OCA2: variants seen among roughly 807,000 people sequenced by gnomAD.
OCA2 encodes OCA2 melanosomal transmembrane protein, also known as P protein.
In OCA2, 77 loss-of-function variants were observed where a neutral mutation model predicts 100.2. The ratio of observed to expected loss-of-function variants is 0.77; its 90% CI spans 0.64 to 0.93. OCA2 has a LOEUF of 0.93. Ranked by LOEUF, OCA2 falls within the 40% of genes least tolerant of loss-of-function variation. OCA2 has a pLI of 0.00. For synonymous variants in OCA2, 432 were observed against 439.2 expected, an observed-to-expected ratio of 0.98 and a Z score of 0.21; for missense variants, 1,062 against 1,089.1, an observed-to-expected ratio of 0.98 and a Z score of 0.35.
At chr15:27,747,747 A>AT in the OCA2 span, among the ~76,000 whole-genome samples, 1 of 88,726 alleles carries the variant, frequency 1.1e-5, no homozygotes, top group East Asian at 3.9e-4. Flanking sequence ...TTTAATATCT[A>AT]TTAAAAAAAA....
chr15:27,972,820 G>GTTATTTTATTTTATT (rs200881214), intron 14 of OCA2, among the ~76,000 whole-genome samples: 20 of 74,452 alleles, frequency 2.7e-4, no homozygotes, highest in South Asian at 1.1e-3. Context: ...TACTTTGATG[G>GTTATTTTATTTTATT]TTATTTTATT....
intron 1 of OCA2, among the ~76,000 whole-genome samples, chr15:28,084,234 A>G (rs1360128460): frequency 2.6e-5 from 4 of 152,244 alleles, no homozygotes; most frequent in African/African-American, 9.6e-5. Context: ...GAGACTTCAC[A>G]GCCTCCCAAA....
chr15:28,078,917 G>A lies in OCA2; in HGVS notation c.227+2731C>T, dbSNP rs557531399. 8.5e-5 allele frequency among the ~76,000 whole-genome samples: 13 copies of A among 152,258 alleles called. No homozygotes were observed. In the East Asian group the frequency reaches 2.3e-3, roughly 27 times the overall value. ...AGAAAATACCGAGTAACCAGTTTGT[G>A]CACAGGTGATGTAACTGACCCAAGA... On this transcript the variant is annotated intron_variant, in intron 2 of 23. Coordinates refer to ENST00000354638, the MANE Select transcript of OCA2 (RefSeq NM_000275.3).
At chr15:28,024,806 C>T (rs375458585) in intron 5 of OCA2, 39 bp downstream of exon 5, 40 of 1,610,950 alleles carry the variant, frequency 2.5e-5, no homozygotes, top group South Asian at 5.5e-5. Context: ...AGGGCTTCCA[C>T]GGACCCAACA....
chr15:28,046,930 CTT>C (rs1285454332), intron 2 of OCA2, among the ~76,000 whole-genome samples: 1 of 152,180 alleles, frequency 6.6e-6, no homozygotes, highest in Non-Finnish European at 1.5e-5. Flanking sequence ...AGATTTCCCT[CTT>C]GTCATCCTCT....
chr15:27,913,878 AG>A (rs2038525497), intron 19 of OCA2, among the ~76,000 whole-genome samples: 1 of 55,574 alleles, frequency 1.8e-5, no homozygotes, highest in African/African-American at 8.8e-5. Context: ...AAAGAAAGAA[AG>A]AAAGAAAGAA....
At chr15:27,791,598 C>A (rs2033084760) in intron 23 of OCA2, among the ~76,000 whole-genome samples, 1 of 152,198 alleles carries the variant, frequency 6.6e-6, no homozygotes, top group Non-Finnish European at 1.5e-5. Flanking sequence ...GCTACGGATT[C>A]TTCAACATTC....
At chr15:27,948,940 G>A (rs752301585) in intron 18 of OCA2, among the ~76,000 whole-genome samples, 1 of 152,190 alleles carries the variant, frequency 6.6e-6, no homozygotes, top group Middle Eastern at 3.2e-3. Context: ...GACCGGGGGA[G>A]GGTGGCTACA....
chr15:27,776,112 T>C (rs535871310), intron 23 of OCA2, among the ~76,000 whole-genome samples: 3 of 152,336 alleles, frequency 2.0e-5, no homozygotes, highest in African/African-American at 2.4e-5. Context: ...CTGTCACCCA[T>C]GAAATCCTAG....
rs553776865 is a variant in OCA2, at chr15:27,874,626, G to A, written c.2080-2704C>T. ...GCATGGATGAGAATTCATAGATACT[G>A]AATGTAAAAGAGGAATTTTGCTTAA... On this transcript the variant is annotated intron_variant, in intron 19 of 23. Coordinates refer to ENST00000354638, the MANE Select transcript of OCA2 (RefSeq NM_000275.3). Among the ~76,000 whole-genome samples the A allele has an allele frequency of 1.2e-3, 188 of 152,300 alleles. 1 individual carries two copies. Among genetic ancestry groups the A allele is most frequent in the South Asian group, 9.5e-3 (46 of 4,830 alleles).
intron 14 of OCA2, among the ~76,000 whole-genome samples, chr15:27,973,875 G>T (rs575116872): frequency 6.6e-6 from 1 of 152,244 alleles, no homozygotes; most frequent in African/African-American, 2.4e-5. Context: ...GTGTTTTGTA[G>T]CTCTCCTTTT....
At chr15:27,855,486 C>T (rs1053939030) in intron 21 of OCA2, among the ~76,000 whole-genome samples, 4 of 152,324 alleles carry the variant, frequency 2.6e-5, no homozygotes, top group East Asian at 1.9e-4. Flanking sequence ...CATAGCCTCC[C>T]GCTCAGCCCA....
intron 19 of OCA2, among the ~76,000 whole-genome samples, chr15:27,913,882 AG>A (rs2038528711): frequency 3.4e-5 from 2 of 59,650 alleles, no homozygotes; most frequent in African/African-American, 1.6e-4. Context: ...AAAGAAAGAA[AG>A]AAAGAAAGAA....
At chr15:27,724,768 G>T in the OCA2 span, among the ~76,000 whole-genome samples, 3 of 150,906 alleles carry the variant, frequency 2.0e-5, no homozygotes, top group South Asian at 4.2e-4. Flanking sequence ...TTACATACCT[G>T]ATTCTTTCCT....
the OCA2 span, among the ~76,000 whole-genome samples, chr15:27,742,915 G>A: frequency 2.6e-5 from 4 of 152,180 alleles, no homozygotes; most frequent in African/African-American, 4.8e-5. Flanking sequence ...AGCCCCTGGA[G>A]GCCAAAAGCC....
At chr15:27,726,305 AAATAAATAAATAAATAAAT>A in the OCA2 span, among the ~76,000 whole-genome samples, 2 of 54,472 alleles carry the variant, frequency 3.7e-5, no homozygotes, top group African/African-American at 2.3e-4. Flanking sequence ...CTCAAAAAAT[AAATAAATAAATAAATAAAT>A]AAATAAATAA....
At chr15:27,879,213 G>T (rs983137168) in intron 19 of OCA2, among the ~76,000 whole-genome samples, 2 of 152,068 alleles carry the variant, frequency 1.3e-5, no homozygotes, top group African/African-American at 4.8e-5. Context: ...GCAGAGTATT[G>T]CATGTTGTAT....
chr15:27,742,076 TGCCTTTGCTTGGAGGCAGGTGA>T, the OCA2 span, among the ~76,000 whole-genome samples: 1 of 152,230 alleles, frequency 6.6e-6, no homozygotes, highest in Non-Finnish European at 1.5e-5. Context: ...GTGGCAGCTA[TGCCTTTGCTTGGAGGCAGGTGA>T]TATGTTCATT....
intron 9 of OCA2, among the ~76,000 whole-genome samples, chr15:27,999,380 T>A (rs1000545602): frequency 7.9e-5 from 12 of 152,138 alleles, no homozygotes; most frequent in Admixed American, 3.3e-4. Flanking sequence ...ATCATCTCAA[T>A]GAATGCAGAA....
Sources: gnomAD v4.1 joint callset for allele counts (sites outside exome capture counted in the v4.1 genomes callset) on GRCh38, gnomAD v4.1.1 for gene constraint, MANE v1.5 for transcripts, NCBI Gene and HGNC (gene_info 2026-07-23, HGNC 2026-07-21) for gene names.